The following DRC3 variants were observed in gnomAD, a reference collection of about 807,000 sequenced individuals.
DRC3 encodes leucine rich repeat containing 48.
DRC3 carries 45 observed loss-of-function variants against 57.6 expected under a neutral mutation model. The observed-to-expected ratio is 0.78, with a 90% CI of 0.62 to 1.00. The LOEUF (loss-of-function observed/expected upper bound fraction) is 1.00. Among genes scored for constraint, DRC3 ranks in the 50% least tolerant of loss-of-function variants. The pLI is 0.00. For synonymous variants in DRC3, 257 were observed against 272.3 expected (o/e 0.94, Z 0.55); for missense variants, 655 against 675.2 (o/e 0.97, Z 0.33).
intron 12 of DRC3, among the ~76,000 whole-genome samples, chr17:18,012,329 T>G (rs1400416080): frequency 1.3e-5 from 2 of 152,094 alleles, no homozygotes; most frequent in African/African-American, 2.4e-5. Context: ...GAAACTAGAT[T>G]CCCATCTCTC....
rs1462367479 is a variant in DRC3 at position 17,973,966 on chromosome 17, A to G, written c.-18+4A>G. On this transcript the variant is annotated splice_donor_region_variant and intron_variant, in intron 2 of 13. Coordinates refer to ENST00000399187, the MANE Select transcript of DRC3 (RefSeq NM_031294.4). ...TCTTCAACAACACTATCATCAGGCA[A>G]GTCAAAGGGGACCCAGGTTGGGTGG... 1.3e-5 allele frequency: 2 copies of G among 152,282 alleles called. No homozygotes were observed. Among genetic ancestry groups the G allele is most frequent in the Admixed American group, 6.5e-5 (1 of 15,286 alleles). The allele number at this position is 152,282 out of a possible 1,614,324, so 9.4% of individuals were successfully genotyped here. A position where few individuals can be genotyped will look rare whatever the true frequency, so the allele number is the denominator to read the frequency against.
chr17:17,997,500 G>C lies in DRC3; in HGVS notation c.865G>C (p.Glu289Gln). The C allele has an allele frequency of 6.2e-7, 1 of 1,613,220 alleles. No homozygotes were observed. The highest frequency in any genetic ancestry group is 8.5e-7 in the Non-Finnish European group (1 of 1,179,634). Residue 289 changes from glutamate (E) to glutamine (Q), a missense_variant, in exon 9 of 14, where the codon GAG becomes CAG. Transcript: ENST00000399187. ...TGTCATCATCTGCGTGAATATTTTT[G>C]AGTATGGCCTGAAACAGCAGGAGAA... is the stretch of plus-strand genomic sequence containing the variant. Reference protein sequence around the residue: ...KFVIICVNIFEYGLKQQEKRK... With the variant: ...KFVIICVNIFQYGLKQQEKRK...
chr17:18,011,249 G>A (rs765975998), intron 12 of DRC3: 13 of 262,372 alleles, frequency 5.0e-5, no homozygotes, highest in South Asian at 1.0e-4. Flanking sequence ...GAGCCGCCAC[G>A]CCAGGCCTAG....
At position 17,984,040 on chromosome 17, in the gene DRC3, A is replaced by G. The variant is rs763573682; in HGVS notation, c.277+96A>G. ...GAGACAATAATTGTGTGCGACACTC[A>G]GCTGCTGGCCCATCATTAGCCAGGG... On this transcript the variant is annotated intron_variant, in intron 4 of 13. Coordinates refer to ENST00000399187, the MANE Select transcript of DRC3 (RefSeq NM_031294.4). 2.3e-5 allele frequency: 17 copies of G among 746,668 alleles called. No individual in the cohort carries two copies. The Admixed American group carries it at 2.8e-4, about 12-fold the overall frequency. The allele number at this position is 746,668 out of a possible 1,614,324, so 46.3% of individuals were successfully genotyped here. A position where few individuals can be genotyped will look rare whatever the true frequency, so the allele number is the denominator to read the frequency against.
Position 17,983,832 on chromosome 17 carries a change from C to T in DRC3, c.165C>T (p.Ile55=). 1 of 1,610,192 alleles carries T rather than the reference C, an allele frequency of 6.2e-7. No homozygotes were observed. The highest frequency in any genetic ancestry group is 8.5e-7 in the Non-Finnish European group (1 of 1,176,744). Residue 55 remains isoleucine (I), a synonymous_variant, in exon 4 of 14, where the codon ATC becomes ATT. Coordinates refer to ENST00000399187, the MANE Select transcript of DRC3 (RefSeq NM_031294.4). ...VLSLQLDFRN[I]LRIDNLWQFE... The stretch of plus-strand genomic sequence containing the variant: ...AATCACCTTCCATTATTTCAGACAT[C>T]CTCCGCATAGACAACCTCTGGCAGT...
chr17:17,975,298 A>G (rs4321247), intron 2 of DRC3, among the ~76,000 whole-genome samples: 85,783 of 150,332 alleles, frequency 0.57, 27,565 homozygotes, highest in East Asian at 0.94. Flanking sequence ...TGCAACCTCC[A>G]ACTCCCTGGT....
At chr17:17,975,463 G>C (rs2042337789) in intron 2 of DRC3, among the ~76,000 whole-genome samples, 1 of 151,390 alleles carries the variant, frequency 6.6e-6, no homozygotes, top group Non-Finnish European at 1.5e-5. Flanking sequence ...GCCCACCTCG[G>C]CCTCCCAAAG....
intron 6 of DRC3, 119 bp from the exon 7 acceptor site, chr17:17,994,180 C>T: frequency 7.5e-7 from 1 of 1,339,366 alleles, no homozygotes; most frequent in Non-Finnish European, 1.0e-6. Context: ...TTCATGCAGG[C>T]CCCTGTGCAA....
intron 12 of DRC3, among the ~76,000 whole-genome samples, chr17:18,013,946 T>C (rs1399497040): frequency 1.3e-5 from 2 of 151,914 alleles, no homozygotes; most frequent in Admixed American, 1.3e-4. Flanking sequence ...TTTTTTTTTT[T>C]TTTGAGGTGG....
At position 17,988,698 on chromosome 17, in the gene DRC3, T is replaced by A. The variant is rs544970976; in HGVS notation, c.444+600T>A. On this transcript the variant is annotated intron_variant, in intron 5 of 13. Coordinates refer to ENST00000399187, the MANE Select transcript of DRC3 (RefSeq NM_031294.4). ...TCTGCAACCCATCAACCCTGGGGGCTGTCCAGTAGCCTTTGAAGATTCCTT... is the reference window on the plus strand; with the variant it reads ...TCTGCAACCCATCAACCCTGGGGGCAGTCCAGTAGCCTTTGAAGATTCCTT... 2.0e-5 allele frequency among the ~76,000 whole-genome samples: 3 copies of A among 152,328 alleles called. No individual in the cohort carries two copies. The South Asian group carries it at 6.2e-4, about 32-fold the overall frequency.
At chr17:18,003,025 A>G (rs1179891902) in intron 9 of DRC3, among the ~76,000 whole-genome samples, 1 of 152,206 alleles carries the variant, frequency 6.6e-6, no homozygotes, top group East Asian at 1.9e-4. Flanking sequence ...GAAAGCTTAT[A>G]TACTTAGTTG....
chr17:17,977,478 G>A (rs955363608), intron 2 of DRC3, 104 bp from the exon 3 acceptor site: 1 of 1,352,156 alleles, frequency 7.4e-7, no homozygotes, highest in Non-Finnish European at 1.0e-6. Context: ...GCATTCCTCA[G>A]AGTGCCAGTG....
At position 17,983,899 on chromosome 17, in the gene DRC3, G is replaced by T. The variant is rs764283154; in HGVS notation, c.232G>T (p.Glu78Ter). The change falls in exon 4 of 14, where the codon GAG (glutamate) becomes TAG (stop). Residue 78 changes from glutamate (E) to a stop codon, truncating the protein, a stop_gained. Coordinates refer to ENST00000399187, the MANE Select transcript of DRC3 (RefSeq NM_031294.4). LOFTEE classifies it high-confidence loss of function. The stretch of plus-strand genomic sequence containing the variant: ...GCTGCAGCTGGACAATAACATCATT[G>T]AGAAGATCGAGGGCCTGGAGAACCT... Reference protein sequence around the residue: ...RKLQLDNNIIEKIEGLENLAH... With the variant: ...RKLQLDNNII The T allele has an allele frequency of 3.7e-6, 6 of 1,613,420 alleles. No individual in the cohort carries two copies. The African/African-American group carries it at 8.0e-5, about 22-fold the overall frequency.
chr17:17,977,179 T>A (rs948654688), intron 2 of DRC3, among the ~76,000 whole-genome samples: 1 of 152,130 alleles, frequency 6.6e-6, no homozygotes, highest in Non-Finnish European at 1.5e-5. Context: ...TGGCTGGGGC[T>A]GCCCAGGGAG....
At chr17:17,981,618 G>C (rs1238947601) in intron 3 of DRC3, 2 of 152,450 alleles carry the variant, frequency 1.3e-5, no homozygotes, top group African/African-American at 4.8e-5. Context: ...CACAGTGGGG[G>C]ACGTGGCAGG....
intron 2 of DRC3, among the ~76,000 whole-genome samples, chr17:17,976,921 C>G (rs1427469855): frequency 1.3e-5 from 2 of 152,202 alleles, no homozygotes; most frequent in East Asian, 3.9e-4. Flanking sequence ...CTCTTGCTCT[C>G]TGCTTAACTA....
chr17:17,997,854 C>T (rs975585302), intron 9 of DRC3, among the ~76,000 whole-genome samples: 1 of 152,248 alleles, frequency 6.6e-6, no homozygotes, highest in South Asian at 2.1e-4. Flanking sequence ...CACTGCTTGA[C>T]GTGTGGCCTG....
chr17:17,990,573 G>T (rs1382472290), intron 5 of DRC3, among the ~76,000 whole-genome samples: 1 of 152,196 alleles, frequency 6.6e-6, no homozygotes, highest in East Asian at 1.9e-4. Flanking sequence ...CAGATTAAAT[G>T]TCACCTCCCC....
intron 13 of DRC3, 48 bp downstream of exon 13, chr17:18,016,243 C>T (rs757954586): frequency 6.3e-7 from 1 of 1,596,514 alleles, no homozygotes; most frequent in Non-Finnish European, 8.6e-7. Context: ...ACTTTTCTAG[C>T]TGACATGGAA....
Sources: allele counts gnomAD v4.1 joint callset (sites outside exome capture counted in the v4.1 genomes callset), GRCh38; gene constraint gnomAD v4.1.1; transcripts MANE v1.5; gene names NCBI Gene and HGNC (gene_info 2026-07-23, HGNC 2026-07-21).